UNC80: variants seen among roughly 807,000 people sequenced by gnomAD.
UNC80 encodes unc-80 subunit of NALCN channel complex.
Under a neutral mutation model 384.6 loss-of-function variants are expected in UNC80, and 164 were observed. The observed-to-expected ratio is 0.43, with a 90% CI of 0.38 to 0.49. The LOEUF (loss-of-function observed/expected upper bound fraction) is 0.49, where lower values mean the gene tolerates loss of function less well. Ranked by LOEUF, UNC80 falls within the 20% of genes least tolerant of loss-of-function variation. The pLI is 0.00. For synonymous variants in UNC80, 1,486 were observed against 1,527.8 expected (o/e 0.97, Z 0.64); for missense variants, 3,330 against 4,143.0 (o/e 0.80, Z 5.39).
intron 41 of UNC80, 112 bp downstream of exon 41, chr2:209,937,045 C>A: frequency 1.5e-6 from 1 of 680,106 alleles, no homozygotes; most frequent in Non-Finnish European, 2.6e-6. Flanking sequence ...AATAGTATGG[C>A]CACCTGGGTC....
chr2:209,887,370 T>C (rs539717758), intron 25 of UNC80, among the ~76,000 whole-genome samples: 1 of 151,992 alleles, frequency 6.6e-6, no homozygotes, highest in South Asian at 2.1e-4. Flanking sequence ...ACATCGCATC[T>C]CTCTCATCTT....
At chr2:209,931,077 C>T in intron 38 of UNC80, 23 bp downstream of exon 38, 1 of 1,490,866 alleles carries the variant, frequency 6.7e-7, no homozygotes, top group Non-Finnish European at 9.1e-7. Flanking sequence ...TGTTCATTTC[C>T]AATTACGAAG....
intron 31 of UNC80, among the ~76,000 whole-genome samples, chr2:209,915,077 C>T (rs150455522): frequency 5.1e-4 from 77 of 152,022 alleles, no homozygotes; most frequent in Non-Finnish European, 8.1e-4. Flanking sequence ...GTCATGGAAA[C>T]TTCCATGGAA....
intron 7 of UNC80, among the ~76,000 whole-genome samples, chr2:209,799,414 C>T (rs1047981048): frequency 3.3e-5 from 5 of 152,238 alleles, no homozygotes; most frequent in Admixed American, 2.0e-4. Context: ...GATTTTTGCA[C>T]ATTGATTTTG....
chr2:209,842,324 A>G, intron 20 of UNC80, 26 bp from the exon 21 acceptor site: 1 of 1,500,564 alleles, frequency 6.7e-7, no homozygotes, highest in Non-Finnish European at 9.0e-7. Flanking sequence ...TTATCTCTCT[A>G]CTTTCCTTTT....
At chr2:209,812,352 G>A (rs949588340) in intron 7 of UNC80, among the ~76,000 whole-genome samples, 63 of 152,018 alleles carry the variant, frequency 4.1e-4, no homozygotes, top group African/African-American at 1.5e-3. Context: ...GAGCCACCGC[G>A]CCTGGCACCA....
chr2:209,853,039 A>T (rs186647182), intron 22 of UNC80, among the ~76,000 whole-genome samples: 36 of 152,274 alleles, frequency 2.4e-4, no homozygotes, highest in African/African-American at 8.7e-4. Flanking sequence ...ATAGATATAG[A>T]TAGATATACA....
At chr2:209,859,442 A>G (rs2083194391) in intron 22 of UNC80, among the ~76,000 whole-genome samples, 1 of 152,176 alleles carries the variant, frequency 6.6e-6, no homozygotes, top group Non-Finnish European at 1.5e-5. Context: ...AGTGGTGGGC[A>G]TTTGGGTTGG....
At chr2:209,887,586 T>G (rs779693139) in intron 25 of UNC80, among the ~76,000 whole-genome samples, 5 of 152,218 alleles carry the variant, frequency 3.3e-5, no homozygotes, top group Admixed American at 1.3e-4. Flanking sequence ...GGGGCTGTTA[T>G]TCTGTCGAGC....
intron 18 of UNC80, among the ~76,000 whole-genome samples, chr2:209,837,916 C>T (rs368200661): frequency 5.3e-5 from 8 of 151,994 alleles, no homozygotes; most frequent in Non-Finnish European, 1.0e-4. Context: ...GGACTACAGG[C>T]GCCCGCCACC....
At chr2:209,940,665 A>T (rs916164591) in intron 43 of UNC80, among the ~76,000 whole-genome samples, 2 of 152,032 alleles carry the variant, frequency 1.3e-5, no homozygotes, top group Non-Finnish European at 2.9e-5. Flanking sequence ...AATACAAAAA[A>T]AATTAGCTGG....
chr2:209,780,905 T>C (rs1437495609), intron 4 of UNC80, among the ~76,000 whole-genome samples: 1 of 152,200 alleles, frequency 6.6e-6, no homozygotes, highest in African/African-American at 2.4e-5. Context: ...AAATTCACAT[T>C]TTCTATCCCT....
At chr2:209,843,885 G>T (rs1458957660) in intron 21 of UNC80, among the ~76,000 whole-genome samples, 1 of 152,102 alleles carries the variant, frequency 6.6e-6, no homozygotes, top group African/African-American at 2.4e-5. Flanking sequence ...AGCAAAACAT[G>T]CCTATGATAT....
At chr2:209,925,133 G>A (rs142803170) in intron 35 of UNC80, among the ~76,000 whole-genome samples, 26 of 151,150 alleles carry the variant, frequency 1.7e-4, no homozygotes, top group Admixed American at 4.6e-4. Flanking sequence ...TCCTCAAATA[G>A]TTCCAAGCTT....
In UNC80 at chr2:209,927,112, A is replaced by C. The variant is rs1243559772; in HGVS notation, c.5806+126A>C. ...TTGAACTGTTTTATGCACATATTAT[A>C]ATTACAGATTTGTAACATACTGCGC... is the stretch of plus-strand genomic sequence containing the variant. On this transcript the variant is annotated intron_variant, in intron 36 of 64. Coordinates refer to ENST00000673920, the MANE Select transcript of UNC80 (RefSeq NM_001371986.1). The C allele has an allele frequency of 2.8e-6, 3 of 1,088,486 alleles. No individual in the cohort carries two copies. The African/African-American group carries it at 4.7e-5, about 17-fold the overall frequency. The allele number at this position is 1,088,486 out of a possible 1,614,324, so 67.4% of individuals were successfully genotyped here. A position where few individuals can be genotyped will look rare whatever the true frequency, so the allele number is the denominator to read the frequency against.
chr2:209,991,306 A>G (rs2093386855), intron 61 of UNC80, among the ~76,000 whole-genome samples: 1 of 152,200 alleles, frequency 6.6e-6, no homozygotes, highest in Non-Finnish European at 1.5e-5. Context: ...GGCACAGGAT[A>G]CTTCTTTTTT....
At chr2:209,868,124 G>C (rs1341161415) in intron 22 of UNC80, among the ~76,000 whole-genome samples, 1 of 152,158 alleles carries the variant, frequency 6.6e-6, no homozygotes, top group Non-Finnish European at 1.5e-5. Flanking sequence ...ATTGATCTCA[G>C]TCTGGCAGAG....
chr2:209,866,488 C>CCA (rs1209916532), intron 22 of UNC80, among the ~76,000 whole-genome samples: 80 of 106,742 alleles, frequency 7.5e-4, no homozygotes, highest in Non-Finnish European at 1.0e-3. Context: ...CAAAATGCAC[C>CCA]CCCACACACA....
In UNC80 at chr2:209,895,747, A is replaced by G. The variant is rs192320623; in HGVS notation, c.4481-566A>G. 1.6e-3 allele frequency among the ~76,000 whole-genome samples: 250 copies of G among 152,328 alleles called. 1 individual carries two copies. The highest frequency in any genetic ancestry group is 5.8e-3 in the African/African-American group (241 of 41,572). ...GGAATTCTTGAGAGATATTTCCTTT[A>G]TACTTTCACACAGAGAGGAGTTTGG... is the stretch of plus-strand genomic sequence containing the variant. On this transcript the variant is annotated intron_variant, in intron 27 of 64. Transcript: ENST00000673920.
Sources: allele counts gnomAD v4.1 joint callset (sites outside exome capture counted in the v4.1 genomes callset), GRCh38; gene constraint gnomAD v4.1.1; transcripts MANE v1.5; gene names NCBI Gene and HGNC (gene_info 2026-07-23, HGNC 2026-07-21).